The following JAZF1 variants were observed in gnomAD, a reference collection of about 807,000 sequenced individuals.
The protein encoded by JAZF1 is juxtaposed with another zinc finger protein 1.
Under a neutral mutation model 26.4 loss-of-function variants are expected in JAZF1, and 8 were observed. The ratio of observed to expected loss-of-function variants is 0.30; its 90% CI spans 0.18 to 0.55. The LOEUF is 0.55. Ranked by LOEUF, JAZF1 falls within the 20% of genes least tolerant of loss-of-function variation. The pLI is 0.94. For synonymous variants in JAZF1, 126 were observed against 122.3 expected (o/e 1.03, Z -0.20); for missense variants, 199 against 322.0 (o/e 0.62, Z 2.92).
At chr7:27,998,419 G>A (rs528104253) in intron 1 of JAZF1, among the ~76,000 whole-genome samples, 2 of 152,144 alleles carry the variant, frequency 1.3e-5, no homozygotes, top group Admixed American at 6.5e-5. Context: ...TTAATTCATG[G>A]CTAGTTTACT....
chr7:27,861,266 C>T (rs1356888343), intron 3 of JAZF1, among the ~76,000 whole-genome samples: 1 of 152,120 alleles, frequency 6.6e-6, no homozygotes, highest in Non-Finnish European at 1.5e-5. Context: ...GACTCATCCA[C>T]CTGGAAACTC....
At chr7:28,122,066 G>A (rs984325073) in intron 1 of JAZF1, among the ~76,000 whole-genome samples, 1 of 152,180 alleles carries the variant, frequency 6.6e-6, no homozygotes, top group Non-Finnish European at 1.5e-5. Flanking sequence ...GCCAGCAAGA[G>A]GCCTTGTTTA....
chr7:27,899,033 T>C (rs1203705495), intron 2 of JAZF1, among the ~76,000 whole-genome samples: 1 of 152,158 alleles, frequency 6.6e-6, no homozygotes, highest in African/African-American at 2.4e-5. Context: ...AAAGGGCCCG[T>C]GTCTCCCCTG....
chr7:28,089,510 T>C (rs1784261126), intron 1 of JAZF1, among the ~76,000 whole-genome samples: 1 of 152,216 alleles, frequency 6.6e-6, no homozygotes, highest in African/African-American at 2.4e-5. Flanking sequence ...TGGGAGTGGC[T>C]TTGGAACTGG....
intron 1 of JAZF1, among the ~76,000 whole-genome samples, chr7:28,180,106 C>CCGCGCCG (rs1554293913): frequency 2.1e-5 from 3 of 145,452 alleles, no homozygotes; most frequent in Non-Finnish European, 3.0e-5. Context: ...GCCGCGCCCT[C>CCGCGCCG]CGCCCCGCGC....
chr7:27,932,285 G>C (rs1372426112), intron 2 of JAZF1, among the ~76,000 whole-genome samples: 1 of 152,218 alleles, frequency 6.6e-6, no homozygotes, highest in Non-Finnish European at 1.5e-5. Context: ...GGAGGCATGT[G>C]TTGTGTGTAA....
intron 2 of JAZF1, among the ~76,000 whole-genome samples, chr7:27,980,168 G>A (rs1355858622): frequency 6.6e-6 from 1 of 152,152 alleles, no homozygotes; most frequent in African/African-American, 2.4e-5. Context: ...ACAGTGGCTA[G>A]AGCCTAGAGC....
chr7:27,910,066 A>G (rs1022757007), intron 2 of JAZF1, among the ~76,000 whole-genome samples: 5 of 152,216 alleles, frequency 3.3e-5, no homozygotes, highest in African/African-American at 1.2e-4. Flanking sequence ...AGTCTATACC[A>G]TTGAATGACA....
intron 1 of JAZF1, among the ~76,000 whole-genome samples, chr7:28,108,628 G>A (rs1784592510): frequency 6.6e-6 from 1 of 152,062 alleles, no homozygotes; most frequent in African/African-American, 2.4e-5. Flanking sequence ...AGCCACTATG[G>A]AAAAAACAGT....
chr7:27,895,487 G>C (rs571966059), intron 2 of JAZF1, 71 bp from the exon 3 acceptor site: 4 of 1,161,632 alleles, frequency 3.4e-6, no homozygotes, highest in African/African-American at 1.6e-5. Flanking sequence ...ATTTATTAGA[G>C]TTTCAGACAT....
chr7:27,981,807 G>C (rs770622912), intron 2 of JAZF1, among the ~76,000 whole-genome samples: 1 of 152,086 alleles, frequency 6.6e-6, no homozygotes, highest in Non-Finnish European at 1.5e-5. Context: ...CACACCCACT[G>C]ATCATGCCCT....
chr7:28,126,242 C>T (rs1178467554), intron 1 of JAZF1, among the ~76,000 whole-genome samples: 1 of 152,136 alleles, frequency 6.6e-6, no homozygotes, highest in East Asian at 1.9e-4. Context: ...ATATTTATTG[C>T]ACAGTTACTA....
chr7:27,967,236 T>C (rs905207580), intron 2 of JAZF1, among the ~76,000 whole-genome samples: 3 of 152,124 alleles, frequency 2.0e-5, no homozygotes, highest in Non-Finnish European at 4.4e-5. Context: ...GGCAGACCCA[T>C]GATGCACCTG....
chr7:28,123,624 C>T (rs1782639865), intron 1 of JAZF1, among the ~76,000 whole-genome samples: 1 of 152,196 alleles, frequency 6.6e-6, no homozygotes, highest in South Asian at 2.1e-4. Context: ...AAAGCCTGGC[C>T]CCTGCCAGCC....
At chr7:27,949,471 T>C (rs1006687914) in intron 2 of JAZF1, among the ~76,000 whole-genome samples, 4 of 152,198 alleles carry the variant, frequency 2.6e-5, no homozygotes, top group Non-Finnish European at 4.4e-5. Flanking sequence ...ATGCTGACCT[T>C]CTCCCTGTGG....
chr7:27,958,653 C>T (rs1214071022), intron 2 of JAZF1, among the ~76,000 whole-genome samples: 1 of 152,180 alleles, frequency 6.6e-6, no homozygotes, highest in Non-Finnish European at 1.5e-5. Context: ...GTTCTTGTTT[C>T]GAGCCAGGGG....
intron 3 of JAZF1, chr7:27,842,844 G>A (rs1275200028): frequency 6.6e-6 from 1 of 152,126 alleles, no homozygotes. Context: ...CCATCTAATT[G>A]GGCTAATTTG....
At chr7:27,942,649 G>C (rs899009247) in intron 2 of JAZF1, among the ~76,000 whole-genome samples, 2 of 152,178 alleles carry the variant, frequency 1.3e-5, no homozygotes, top group African/African-American at 4.8e-5. Context: ...CCTGAGTTGA[G>C]AGCCAAAACA....
At chr7:28,114,437 T>C (rs373742668) in intron 1 of JAZF1, among the ~76,000 whole-genome samples, 28 of 151,542 alleles carry the variant, frequency 1.8e-4, no homozygotes, top group African/African-American at 6.5e-4. Context: ...GGCTGGCTTG[T>C]TCAAAGCTAG....
Sources: allele counts gnomAD v4.1 joint callset (sites outside exome capture counted in the v4.1 genomes callset), GRCh38; gene constraint gnomAD v4.1.1; transcripts MANE v1.5; gene names NCBI Gene and HGNC (gene_info 2026-07-23, HGNC 2026-07-21).